Variants in ACOT13 observed in about 807,000 individuals in gnomAD.
The protein encoded by ACOT13 is acyl-CoA thioesterase 13.
In ACOT13, 10 loss-of-function variants were observed where a neutral mutation model predicts 11.8. That is an observed-to-expected ratio of 0.85 (90% CI 0.53 to 1.44). ACOT13 has a LOEUF of 1.44. Among genes scored for constraint, ACOT13 ranks in the 40% most tolerant of loss-of-function variants. The probability of loss-of-function intolerance (pLI) is 0.00; values close to 1 mark genes in which losing one functional copy is unlikely to be tolerated. For synonymous variants in ACOT13, 53 were observed against 61.0 expected (o/e 0.87, Z 0.61); for missense variants, 172 against 174.1 (o/e 0.99, Z 0.07).
chr6:24,690,392 G>A (rs1355298872), intron 1 of ACOT13, among the ~76,000 whole-genome samples: 1 of 152,190 alleles, frequency 6.6e-6, no homozygotes, highest in Non-Finnish European at 1.5e-5. Flanking sequence ...GTTCAAGGCA[G>A]TAGAGAACCT....
At chr6:24,678,099 C>T (rs1778486237) in intron 1 of ACOT13, among the ~76,000 whole-genome samples, 1 of 152,136 alleles carries the variant, frequency 6.6e-6, no homozygotes, top group African/African-American at 2.4e-5. Context: ...AAGTCTTGGG[C>T]TAATGCCTGG....
chr6:24,697,859 C>T (rs1778819402), intron 1 of ACOT13, 24 bp from the exon 2 acceptor site: 1 of 1,562,680 alleles, frequency 6.4e-7, no homozygotes, highest in Non-Finnish European at 8.7e-7. Context: ...AATTAATGTT[C>T]AGGATTCTTT....
chr6:24,687,705 ATTTTTTTTTTTTTT>A (rs3033242), intron 1 of ACOT13: 1 of 1,285,674 alleles, frequency 7.8e-7, no homozygotes, highest in Non-Finnish European at 1.0e-6. Flanking sequence ...TAAGAATAGA[ATTTTTTTTTTTTTT>A]TTTTTTTTTG....
At chr6:24,698,453 G>A (rs988815472) in intron 2 of ACOT13, among the ~76,000 whole-genome samples, 4 of 152,112 alleles carry the variant, frequency 2.6e-5, no homozygotes, top group Admixed American at 6.5e-5. Context: ...TTGGGAGGCC[G>A]AGGCAAGAGG....
intron 1 of ACOT13, among the ~76,000 whole-genome samples, chr6:24,694,672 CT>C (rs1261042341): frequency 6.6e-6 from 1 of 152,180 alleles, no homozygotes; most frequent in African/African-American, 2.4e-5. Flanking sequence ...CCCAGCAAGA[CT>C]ACTTATTAGC....
At chr6:24,680,377 A>G (rs1264950136) in intron 1 of ACOT13, among the ~76,000 whole-genome samples, 3 of 152,166 alleles carry the variant, frequency 2.0e-5, no homozygotes, top group African/African-American at 7.2e-5. Context: ...TCTCCAGAAT[A>G]CATCTTAAGG....
intron 1 of ACOT13, among the ~76,000 whole-genome samples, chr6:24,671,655 TAATG>T (rs1778368514): frequency 1.3e-5 from 2 of 151,712 alleles, no homozygotes; most frequent in Non-Finnish European, 2.9e-5. Flanking sequence ...CAAGAATAAA[TAATG>T]AATCTCAAAA....
At chr6:24,693,489 C>T (rs1778747636) in intron 1 of ACOT13, among the ~76,000 whole-genome samples, 1 of 152,134 alleles carries the variant, frequency 6.6e-6, no homozygotes, top group African/African-American at 2.4e-5. Flanking sequence ...TAAAAAAAGA[C>T]CAGAATGATC....
chr6:24,671,461 G>A (rs1401184815), intron 1 of ACOT13, among the ~76,000 whole-genome samples: 8 of 151,440 alleles, frequency 5.3e-5, no homozygotes, highest in African/African-American at 9.7e-5. Context: ...GGGGCCTGTC[G>A]TGGGGTGGGG....
intron 1 of ACOT13, among the ~76,000 whole-genome samples, chr6:24,695,450 G>A (rs1330462602): frequency 6.6e-6 from 1 of 152,162 alleles, no homozygotes; most frequent in Non-Finnish European, 1.5e-5. Flanking sequence ...AGACTCAGAT[G>A]TCGTTCTCCA....
chr6:24,680,948 T>C (rs1778538510), intron 1 of ACOT13, among the ~76,000 whole-genome samples: 1 of 152,266 alleles, frequency 6.6e-6, no homozygotes, highest in Admixed American at 6.5e-5. Context: ...TATTAATTAC[T>C]GAATACCTAT....
chr6:24,683,653 A>G lies in ACOT13; in HGVS notation c.82-14230A>G, dbSNP rs1363297566. The stretch of plus-strand genomic sequence containing the variant: ...AGACATGAAACATCAGTCAATATAT[A>G]TAAAATGAACATTGGTTCGGTCTGG... On this transcript the variant is annotated intron_variant, in intron 1 of 2. Transcript: ENST00000230048. Among the ~76,000 whole-genome samples, 8 of 144,696 alleles carry G rather than the reference A, an allele frequency of 5.5e-5. No individual in the cohort carries two copies. The South Asian group carries it at 1.3e-3, about 24-fold the overall frequency. 94.9% of individuals were successfully genotyped at this position (144,696 alleles called of 152,430 possible).
intron 1 of ACOT13, among the ~76,000 whole-genome samples, chr6:24,697,139 T>C (rs1778808554): frequency 6.6e-6 from 1 of 152,244 alleles, no homozygotes; most frequent in African/African-American, 2.4e-5. Flanking sequence ...TTTTTCCTTA[T>C]ACTTACTATA....
intron 1 of ACOT13, among the ~76,000 whole-genome samples, chr6:24,693,429 G>A (rs1490483176): frequency 1.3e-5 from 2 of 152,190 alleles, no homozygotes; most frequent in African/African-American, 4.8e-5. Context: ...AGCAGTTACA[G>A]TGATGGCAGT....
At chr6:24,692,118 G>A (rs771226239) in intron 1 of ACOT13, among the ~76,000 whole-genome samples, 30 of 152,100 alleles carry the variant, frequency 2.0e-4, no homozygotes, top group Non-Finnish European at 3.7e-4. Flanking sequence ...GTCTTTGAAC[G>A]ACTAGTTAAC....
chr6:24,689,527 C>T (rs901573350), intron 1 of ACOT13, among the ~76,000 whole-genome samples: 1 of 152,052 alleles, frequency 6.6e-6, no homozygotes, highest in African/African-American at 2.4e-5. Flanking sequence ...AAAATGAAAG[C>T]TGCCAAGTAA....
At chr6:24,673,515 C>T (rs1157088913) in intron 1 of ACOT13, among the ~76,000 whole-genome samples, 1 of 152,112 alleles carries the variant, frequency 6.6e-6, no homozygotes, top group South Asian at 2.1e-4. Flanking sequence ...CACATGCCAC[C>T]AGGCCTGGCT....
intron 1 of ACOT13, among the ~76,000 whole-genome samples, chr6:24,688,458 T>C (rs1037511973): frequency 6.6e-6 from 1 of 151,130 alleles, no homozygotes; most frequent in African/African-American, 2.4e-5. Context: ...GAGGAACCCT[T>C]GAGCCCAGGA....
Position 24,671,378 on chromosome 6 carries a change from C to T in ACOT13, c.81+4034C>T, listed in dbSNP as rs569439212. Among the ~76,000 whole-genome samples, 78 of 151,688 alleles carry T rather than the reference C, an allele frequency of 5.1e-4. 2 individuals carry two copies. The highest frequency in any genetic ancestry group is 4.8e-3 in the South Asian group (23 of 4,812). On this transcript the variant is annotated intron_variant, in intron 1 of 2. Coordinates refer to ENST00000230048, the MANE Select transcript of ACOT13 (RefSeq NM_018473.4). ...ATCACAAGGACAGAAAACCAAATAC[C>T]GCATGTTCTCACTCATAGTTGGGAA... is the stretch of plus-strand genomic sequence containing the variant.
Sources: gnomAD v4.1 joint callset for allele counts (sites outside exome capture counted in the v4.1 genomes callset) on GRCh38, gnomAD v4.1.1 for gene constraint, MANE v1.5 for transcripts, NCBI Gene and HGNC (gene_info 2026-07-23, HGNC 2026-07-21) for gene names.